The following WDR47 variants were observed in gnomAD, a reference collection of about 807,000 sequenced individuals.
WDR47 encodes the protein WD repeat domain 47, also known as WD repeat-containing protein 47.
Under a neutral mutation model 97.2 loss-of-function variants are expected in WDR47, and 32 were observed. That is an observed-to-expected ratio of 0.33 (90% CI 0.25 to 0.44). The LOEUF is 0.44. Ranked by LOEUF, WDR47 falls within the 20% of genes least tolerant of loss-of-function variation. The pLI is 1.00. For synonymous variants in WDR47, 375 were observed against 373.5 expected (o/e 1.00, Z -0.05); for missense variants, 782 against 1,102.3 (o/e 0.71, Z 4.11).
chr1:109,010,042 G>C (rs1660918806), intron 5 of WDR47, among the ~76,000 whole-genome samples: 1 of 151,668 alleles, frequency 6.6e-6, no homozygotes, highest in Non-Finnish European at 1.5e-5. Flanking sequence ...TAGAAAAAAA[G>C]ACTGGTCCAT....
intron 2 of WDR47, 109 bp from the exon 3 acceptor site, chr1:109,017,710 G>A: frequency 1.2e-6 from 1 of 812,012 alleles, no homozygotes; most frequent in Non-Finnish European, 1.9e-6. Context: ...CACACAATGA[G>A]ATTAACATTT....
In WDR47 at chr1:108,977,743, G is replaced by A. The variant is rs185092582; in HGVS notation, c.2399-2989C>T. On this transcript the variant is annotated intron_variant, in intron 13 of 14. Coordinates refer to ENST00000369962, the MANE Select transcript of WDR47 (RefSeq NM_001142551.2). ...GGTGCCTGGCTGAGGCATGAAAATC[G>A]CTTGAACCCAGGAGGCAGAGGTTGC... 2.6e-3 allele frequency among the ~76,000 whole-genome samples: 397 copies of A among 151,908 alleles called. 1 individual carries two copies. In the South Asian group the frequency reaches 0.037, roughly 14 times the overall value.
intron 2 of WDR47, among the ~76,000 whole-genome samples, chr1:109,019,532 G>C (rs1571231838): frequency 6.6e-6 from 1 of 151,692 alleles, no homozygotes; most frequent in Non-Finnish European, 1.5e-5. Flanking sequence ...AGACATTTTT[G>C]GTAGTCACAA....
chr1:108,978,613 T>C (rs1291272644), intron 13 of WDR47, among the ~76,000 whole-genome samples: 1 of 152,134 alleles, frequency 6.6e-6, no homozygotes, highest in Non-Finnish European at 1.5e-5. Context: ...GATGTAATCA[T>C]CTAAAGAAAG....
rs1009884983 is a variant in WDR47, at chr1:109,004,796, TTTATTA to T, written c.1131-87_1131-82del. ...TATATTTTAGTTAGAGAAATTTTATTTTATTATTATTATTTTTGAGATGGAGTCTCT... is the reference window on the plus strand; with the variant it reads ...TATATTTTAGTTAGAGAAATTTTATTTTATTATTTTTGAGATGGAGTCTCT... On this transcript the variant is annotated intron_variant, in intron 5 of 14. Transcript: ENST00000369962. 27 of 1,429,204 alleles carry T rather than the reference TTTATTA, an allele frequency of 1.9e-5. No individual in the cohort carries two copies. In the East Asian group the frequency reaches 5.8e-4, roughly 31 times the overall value. The allele number at this position is 1,429,204 out of a possible 1,614,324, so 88.5% of individuals were successfully genotyped here. A position where few individuals can be genotyped will look rare whatever the true frequency, so the allele number is the denominator to read the frequency against.
At chr1:109,020,500 G>A (rs1661755938) in intron 2 of WDR47, among the ~76,000 whole-genome samples, 1 of 152,082 alleles carries the variant, frequency 6.6e-6, no homozygotes, top group African/African-American at 2.4e-5. Flanking sequence ...CTGACCTCGT[G>A]ATCCACCCAC....
At chr1:109,029,142 C>T (rs776470466) in intron 1 of WDR47, among the ~76,000 whole-genome samples, 16 of 152,128 alleles carry the variant, frequency 1.1e-4, no homozygotes, top group Non-Finnish European at 2.1e-4. Context: ...TGATTACCAT[C>T]TTAGTAAACC....
intron 2 of WDR47, among the ~76,000 whole-genome samples, chr1:109,022,318 AATATT>A (rs1661904233): frequency 6.6e-6 from 1 of 152,212 alleles, no homozygotes; most frequent in Admixed American, 6.5e-5. Flanking sequence ...GAATAAGAAC[AATATT>A]ATGTCTGTGT....
At position 109,011,596 on chromosome 1, in the gene WDR47, G is replaced by T. The variant is rs1368422006; in HGVS notation, c.450C>A (p.Ala150=). The T allele has an allele frequency of 6.2e-7, 1 of 1,614,130 alleles. No homozygotes were observed. Among genetic ancestry groups the T allele is most frequent in the Non-Finnish European group, 8.5e-7 (1 of 1,180,034 alleles). ...TGCTGGGATTCCAGTCCTTAAACTC[G>T]GCATGATTGGTCAGACGAGGCAAAG... The part of the protein sequence containing the change: ...LLTLPRLTNH[A]EFKDWNPSTA... The change falls in exon 5 of 15, where the codon GCC becomes GCA. Residue 150 remains alanine (A), a synonymous_variant. Transcript: ENST00000369962.
chr1:108,986,465 C>T lies in WDR47; in HGVS notation c.1925+58G>A, dbSNP rs1487359978. 4.7e-6 allele frequency: 7 copies of T among 1,479,324 alleles called. No homozygotes were observed. In the Admixed American group the frequency reaches 6.5e-5, roughly 14 times the overall value. The allele number at this position is 1,479,324 out of a possible 1,614,324, so 91.6% of individuals were successfully genotyped here. On this transcript the variant is annotated intron_variant, in intron 10 of 14. Coordinates refer to ENST00000369962, the MANE Select transcript of WDR47 (RefSeq NM_001142551.2). Reference sequence around the variant, plus strand: ...TGAATGGCAATTCTGAAAAAGGAACCTATACGGCTAAATTAAAAACTAAGG... The same window carrying T: ...TGAATGGCAATTCTGAAAAAGGAACTTATACGGCTAAATTAAAAACTAAGG...
chr1:109,039,504 C>T (rs192694119), intron 1 of WDR47, among the ~76,000 whole-genome samples: 2 of 152,294 alleles, frequency 1.3e-5, no homozygotes, highest in Non-Finnish European at 2.9e-5. Flanking sequence ...GTGATCCGCC[C>T]GCTTTGGCCT....
chr1:109,028,913 T>C lies in WDR47; in HGVS notation c.-9-5392A>G, dbSNP rs1041143552. On this transcript the variant is annotated intron_variant, in intron 1 of 14. Coordinates refer to ENST00000369962, the MANE Select transcript of WDR47 (RefSeq NM_001142551.2). The stretch of plus-strand genomic sequence containing the variant: ...ATCCTTGCCTTTCCTCTTTCCCTTC[T>C]GGCCTCTGGTTAAAATCACAAAAAT... Among the ~76,000 whole-genome samples the C allele has an allele frequency of 4.6e-5, 7 of 152,144 alleles. 1 individual carries two copies. Among genetic ancestry groups the C allele is most frequent in the Admixed American group, 1.3e-4 (2 of 15,260 alleles).
intron 5 of WDR47, among the ~76,000 whole-genome samples, chr1:109,005,727 T>C (rs1230421251): frequency 1.3e-5 from 2 of 151,356 alleles, no homozygotes; most frequent in Admixed American, 6.6e-5. Context: ...CAAAAATTTG[T>C]TGGGCGTGGT....
chr1:108,991,959 A>G (rs1659382732), intron 8 of WDR47, among the ~76,000 whole-genome samples: 1 of 152,132 alleles, frequency 6.6e-6, no homozygotes, highest in Non-Finnish European at 1.5e-5. Context: ...CACCACACCC[A>G]GCCAGCTTTT....
At chr1:109,030,305 A>T (rs922070945) in intron 1 of WDR47, 8 of 1,261,286 alleles carry the variant, frequency 6.3e-6, no homozygotes, top group Non-Finnish European at 8.9e-6. Context: ...TTCCTTCAGG[A>T]AGAAGCAGCA....
chr1:108,986,212 G>A (rs1658790805), intron 10 of WDR47, among the ~76,000 whole-genome samples: 1 of 151,910 alleles, frequency 6.6e-6, no homozygotes. Context: ...CAAATAAGGG[G>A]GGTCTACTAT....
At chr1:108,991,132 C>A (rs143803063) in intron 9 of WDR47, 122 bp downstream of exon 9, 37,425 of 771,408 alleles carry the variant, frequency 0.049, 1,148 homozygotes, top group Non-Finnish European at 0.058. Context: ...TCTGCCTCGG[C>A]CTCCTGGGTA....
chr1:109,017,524 T>A lies in WDR47; in HGVS notation c.236A>T (p.Lys79Ile). Reference sequence around the variant, plus strand: ...ACTTTAGATAAAATCTTACCTTTTTTTGTCAAATTTTTCCATACATTCTAG... The same window carrying A: ...ACTTTAGATAAAATCTTACCTTTTTATGTCAAATTTTTCCATACATTCTAG... ...QPLECMEKFD[K>I]KRFRYIILKQ... is the part of the protein sequence containing the mutation. Residue 79 changes from lysine (K) to isoleucine (I), a missense_variant, in exon 3 of 15, where the codon AAA becomes ATA. Around this residue, in one of 3 missense-constraint regions of WDR47, gnomAD observed 428 missense variants for 584.3 expected, o/e 0.73. Coordinates refer to ENST00000369962, the MANE Select transcript of WDR47 (RefSeq NM_001142551.2). The A allele has an allele frequency of 6.2e-7, 1 of 1,612,058 alleles. No homozygotes were observed. The highest frequency in any genetic ancestry group is 1.1e-5 in the South Asian group (1 of 90,598).
At chr1:108,998,923 C>G (rs1335573380) in intron 7 of WDR47, among the ~76,000 whole-genome samples, 3 of 151,978 alleles carry the variant, frequency 2.0e-5, no homozygotes, top group African/African-American at 7.3e-5. Context: ...AAACTAGAGT[C>G]TAGAAAAAAT....
Sources: allele counts gnomAD v4.1 joint callset (sites outside exome capture counted in the v4.1 genomes callset), GRCh38; gene constraint gnomAD v4.1.1; regional missense constraint gnomAD v4.1.1; transcripts MANE v1.5; gene names NCBI Gene and HGNC (gene_info 2026-07-23, HGNC 2026-07-21).